The following ENTREP2 variants were observed in gnomAD, a reference collection of about 807,000 sequenced individuals.
ENTREP2 encodes the protein endosomal transmembrane epsin interactor 2.
chr15:29,564,462 T>C, the ENTREP2 span, among the ~76,000 whole-genome samples: 30 of 152,350 alleles, frequency 2.0e-4, no homozygotes, highest in African/African-American at 7.2e-4. Context: ...TTTCCAGTAA[T>C]TTCTGCTCAA....
chr15:29,375,253 G>T, the ENTREP2 span: 1 of 152,320 alleles, frequency 6.6e-6, no homozygotes, highest in South Asian at 2.1e-4. Context: ...TTCCAATCTG[G>T]ATGGTGGGAA....
chr15:29,165,491 A>T, the ENTREP2 span, among the ~76,000 whole-genome samples: 170 of 152,328 alleles, frequency 1.1e-3, no homozygotes, highest in African/African-American at 3.9e-3. Flanking sequence ...GAAATGAAAC[A>T]GGAGATATTA....
chr15:29,256,079 T>C, the ENTREP2 span, among the ~76,000 whole-genome samples: 1 of 151,558 alleles, frequency 6.6e-6, no homozygotes, highest in African/African-American at 2.4e-5. Flanking sequence ...TTATATGAAT[T>C]AACACAAACA....
the ENTREP2 span, among the ~76,000 whole-genome samples, chr15:29,226,945 G>A: frequency 1.8e-3 from 281 of 152,308 alleles, 2 homozygotes; most frequent in African/African-American, 6.2e-3. Flanking sequence ...ATCATGAAAC[G>A]CTTAACCAGA....
At chr15:29,187,583 T>G in the ENTREP2 span, among the ~76,000 whole-genome samples, 2 of 152,206 alleles carry the variant, frequency 1.3e-5, no homozygotes, top group Non-Finnish European at 2.9e-5. Flanking sequence ...GCCAACTGTC[T>G]GTTTTTCTTG....
the ENTREP2 span, among the ~76,000 whole-genome samples, chr15:29,555,226 G>C: frequency 3.9e-5 from 6 of 152,264 alleles, no homozygotes; most frequent in East Asian, 1.2e-3. Flanking sequence ...AGAGATTTGG[G>C]TTTTTCATTT....
At chr15:29,192,213 CCATCA>C in the ENTREP2 span, among the ~76,000 whole-genome samples, 1 of 152,122 alleles carries the variant, frequency 6.6e-6, no homozygotes, top group African/African-American at 2.4e-5. Flanking sequence ...GCATTAATGA[CCATCA>C]CATACCTAAA....
the ENTREP2 span, among the ~76,000 whole-genome samples, chr15:29,627,973 C>T: frequency 1.3e-5 from 2 of 152,190 alleles, no homozygotes; most frequent in African/African-American, 4.8e-5. Context: ...TATATTTCTG[C>T]TTTCCATTCC....
At chr15:29,633,460 G>C in the ENTREP2 span, among the ~76,000 whole-genome samples, 6 of 150,898 alleles carry the variant, frequency 4.0e-5, no homozygotes, top group Admixed American at 1.3e-4. Flanking sequence ...TTTGATGTTG[G>C]GGGGGGCGGG....
At chr15:29,225,937 G>C in the ENTREP2 span, among the ~76,000 whole-genome samples, 4 of 152,000 alleles carry the variant, frequency 2.6e-5, no homozygotes, top group Non-Finnish European at 5.9e-5. Context: ...CCTGTTGTCT[G>C]AAACTGTCCA....
At chr15:29,482,382 G>A in the ENTREP2 span, among the ~76,000 whole-genome samples, 1 of 152,028 alleles carries the variant, frequency 6.6e-6, no homozygotes, top group South Asian at 2.1e-4. Context: ...TATACATTAG[G>A]GTTCACTCTT....
At chr15:29,647,436 T>C in the ENTREP2 span, among the ~76,000 whole-genome samples, 2 of 152,164 alleles carry the variant, frequency 1.3e-5, no homozygotes, top group African/African-American at 2.4e-5. Context: ...CCTAAAGTTA[T>C]CCCTAGGTTT....
the ENTREP2 span, among the ~76,000 whole-genome samples, chr15:29,665,006 A>G: frequency 6.6e-6 from 1 of 152,190 alleles, no homozygotes; most frequent in Non-Finnish European, 1.5e-5. Context: ...TTCCACTTCA[A>G]AGAGAACATT....
At chr15:29,383,181 A>C in the ENTREP2 span, among the ~76,000 whole-genome samples, 1 of 152,156 alleles carries the variant, frequency 6.6e-6, no homozygotes, top group African/African-American at 2.4e-5. Context: ...GTATCTGCAC[A>C]GGTGATTCTC....
the ENTREP2 span, among the ~76,000 whole-genome samples, chr15:29,254,568 C>T: frequency 6.6e-6 from 1 of 151,564 alleles, no homozygotes; most frequent in Non-Finnish European, 1.5e-5. Flanking sequence ...TTTTAAAAAG[C>T]TGATTCCCGG....
the ENTREP2 span, among the ~76,000 whole-genome samples, chr15:29,659,457 C>T: frequency 7.9e-5 from 12 of 152,038 alleles, no homozygotes; most frequent in East Asian, 3.9e-4. Context: ...GGAGACAGTG[C>T]GAGACTCCAT....
chr15:29,592,975 C>A, the ENTREP2 span, among the ~76,000 whole-genome samples: 1 of 152,164 alleles, frequency 6.6e-6, no homozygotes, highest in Non-Finnish European at 1.5e-5. Flanking sequence ...TGGCACCATG[C>A]TTCTTGTAAC....
chr15:29,655,125 T>C, the ENTREP2 span, among the ~76,000 whole-genome samples: 1 of 152,128 alleles, frequency 6.6e-6, no homozygotes, highest in Admixed American at 6.6e-5. Context: ...AACTGAAAAA[T>C]TAGCACCTTT....
At chr15:29,655,180 C>T in the ENTREP2 span, among the ~76,000 whole-genome samples, 2 of 152,188 alleles carry the variant, frequency 1.3e-5, no homozygotes, top group African/African-American at 4.8e-5. Context: ...CTCCAGTAGC[C>T]TCAGCTTTTT....
Sources: allele counts gnomAD v4.1 joint callset (sites outside exome capture counted in the v4.1 genomes callset), GRCh38; gene constraint gnomAD v4.1.1; transcripts MANE v1.5; gene names NCBI Gene and HGNC (gene_info 2026-07-23, HGNC 2026-07-21).